IL18RAP: variants seen among roughly 807,000 people sequenced by gnomAD.
The protein encoded by IL18RAP is interleukin 18 receptor accessory protein.
Under a neutral mutation model 58.1 loss-of-function variants are expected in IL18RAP, and 37 were observed. The observed-to-expected ratio is 0.64, with a 90% CI of 0.49 to 0.84. The LOEUF (loss-of-function observed/expected upper bound fraction) is 0.84, where lower values mean the gene tolerates loss of function less well. Ranked by LOEUF, IL18RAP falls within the 40% of genes least tolerant of loss-of-function variation. The pLI, the probability that IL18RAP is intolerant of heterozygous loss-of-function variation, is 0.00. For missense variants in IL18RAP, 667 were observed against 704.8 expected (o/e 0.95, Z 0.61); for synonymous variants, 268 against 257.5 (o/e 1.04, Z -0.39).
intron 7 of IL18RAP, 151 bp from the exon 8 acceptor site, chr2:102,446,919 C>A: frequency 1.2e-6 from 1 of 831,816 alleles, no homozygotes; most frequent in Non-Finnish European, 1.9e-6. Context: ...GAGAGGTTTC[C>A]AGATTCACAA....
At chr2:102,447,722 G>GTATT (rs1201213208) in intron 8 of IL18RAP, among the ~76,000 whole-genome samples, 13 of 146,354 alleles carry the variant, frequency 8.9e-5, no homozygotes, top group African/African-American at 3.4e-4. Flanking sequence ...ATGTATGTAT[G>GTATT]TATGTATTTA....
At chr2:102,443,590 T>A (rs914326481) in intron 6 of IL18RAP, among the ~76,000 whole-genome samples, 3 of 152,148 alleles carry the variant, frequency 2.0e-5, no homozygotes, top group African/African-American at 7.2e-5. Context: ...TGCTTGGAGA[T>A]AAGTAATATG....
Position 102,450,945 on chromosome 2 carries a change from C to A in IL18RAP, c.1308C>A (p.Ser436Arg). The change falls in exon 9 of 10, where the codon AGC becomes AGA. Residue 436 changes from serine (S) to arginine (R), a missense_variant. Physicochemically the swap from Ser to Arg is moderately radical, Grantham distance 110. Coordinates refer to ENST00000687160, the MANE Select transcript of IL18RAP (RefSeq NM_001393487.1). ...SSLSEEHLAL[S>R]LFPDVLENKY... Reference sequence around the variant, plus strand: ...TGAGTGAAGAACACTTGGCCCTGAGCCTATTTCCTGATGTTTTAGAAAACA... The same window carrying A: ...TGAGTGAAGAACACTTGGCCCTGAGACTATTTCCTGATGTTTTAGAAAACA... The A allele has an allele frequency of 6.2e-7, 1 of 1,612,008 alleles. No homozygotes were observed. Among genetic ancestry groups the A allele is most frequent in the East Asian group, 2.2e-5 (1 of 44,842 alleles).
rs760862453 is a variant in IL18RAP, at chr2:102,447,141, T to C, written c.1144T>C (p.Tyr382His). ...VAVLAASALLYRHWIEIVLLY... is the reference protein window; with the variant it reads ...VAVLAASALLHRHWIEIVLLY... Reference sequence around the variant, plus strand: ...CGTGCTGGCGGCGAGTGCCCTCCTCTACAGGCACTGGATTGAAATAGTGCT... The same window carrying C: ...CGTGCTGGCGGCGAGTGCCCTCCTCCACAGGCACTGGATTGAAATAGTGCT... The change falls in exon 8 of 10, where the codon TAC (tyrosine) becomes CAC (histidine). Residue 382 changes from tyrosine to histidine, a missense_variant. Tyr to His is a moderately conservative substitution (Grantham distance 83, BLOSUM62 2). Coordinates refer to ENST00000687160, the MANE Select transcript of IL18RAP (RefSeq NM_001393487.1). 1 of 1,614,006 alleles carries C rather than the reference T, an allele frequency of 6.2e-7. No homozygotes were observed. The highest frequency in any genetic ancestry group is 1.3e-5 in the African/African-American group (1 of 74,918).
chr2:102,448,801 A>C (rs1051395542), intron 8 of IL18RAP, among the ~76,000 whole-genome samples: 5 of 151,726 alleles, frequency 3.3e-5, no homozygotes, highest in African/African-American at 9.7e-5. Flanking sequence ...TCTACAAGAA[A>C]TTTTTTAATG....
chr2:102,418,929 CAGGAAA>C (rs1359964515), upstream of IL18RAP: 8 of 152,012 alleles, frequency 5.3e-5, no homozygotes, highest in African/African-American at 1.9e-4. Flanking sequence ...GTCTTAAGAG[CAGGAAA>C]TAAAGGTAAG....
chr2:102,430,560 G>C (rs897017688), intron 3 of IL18RAP, among the ~76,000 whole-genome samples: 2 of 152,020 alleles, frequency 1.3e-5, no homozygotes, highest in South Asian at 4.1e-4. Flanking sequence ...GTGATTATTG[G>C]TAGATAAGCA....
intron 3 of IL18RAP, 39 bp from the exon 4 acceptor site, chr2:102,437,173 T>C (rs1682801887): frequency 6.3e-7 from 1 of 1,575,672 alleles, no homozygotes; most frequent in South Asian, 1.2e-5. Context: ...AAAGTTTTTC[T>C]GTGGCAAATT....
chr2:102,429,452 GTTCTC>G (rs1355827648), intron 3 of IL18RAP, among the ~76,000 whole-genome samples: 1 of 151,694 alleles, frequency 6.6e-6, no homozygotes, highest in East Asian at 1.9e-4. Flanking sequence ...CTATTTGAGT[GTTCTC>G]TTTTTTCTTA....
intron 3 of IL18RAP, 84 bp downstream of exon 3, chr2:102,424,498 T>C: frequency 8.0e-7 from 1 of 1,243,428 alleles, no homozygotes. Context: ...AAAGCGTGTT[T>C]GAGAATCTGA....
intron 8 of IL18RAP, among the ~76,000 whole-genome samples, chr2:102,448,114 G>T (rs1420954169): frequency 1.3e-5 from 2 of 152,224 alleles, no homozygotes; most frequent in African/African-American, 4.8e-5. Context: ...TTGAGGACTA[G>T]AGTGTATGCC....
intron 6 of IL18RAP, among the ~76,000 whole-genome samples, chr2:102,444,387 C>T (rs752609136): frequency 5.9e-5 from 9 of 152,116 alleles, no homozygotes; most frequent in South Asian, 2.1e-4. Flanking sequence ...CCCTTAGCCC[C>T]GGTGAGCCTC....
At chr2:102,422,490 A>T (rs1341345084), upstream of IL18RAP, among the ~76,000 whole-genome samples, 2 of 152,072 alleles carry the variant, frequency 1.3e-5, no homozygotes, top group Admixed American at 6.5e-5. Flanking sequence ...TCTGAGCCAT[A>T]TGCCTCCCCA....
chr2:102,432,958 C>A (rs562945555), intron 3 of IL18RAP, among the ~76,000 whole-genome samples: 1 of 152,018 alleles, frequency 6.6e-6, no homozygotes, highest in African/African-American at 2.4e-5. Context: ...TGTAATGTAA[C>A]GGCATTTTAT....
chr2:102,425,344 G>A (rs1285296914), intron 3 of IL18RAP, among the ~76,000 whole-genome samples: 1 of 152,142 alleles, frequency 6.6e-6, no homozygotes, highest in Non-Finnish European at 1.5e-5. Context: ...GTCTCCTGGG[G>A]ATACAGTTAC....
At chr2:102,433,744 C>T (rs1161368078) in intron 3 of IL18RAP, among the ~76,000 whole-genome samples, 1 of 151,930 alleles carries the variant, frequency 6.6e-6, no homozygotes, top group Non-Finnish European at 1.5e-5. Flanking sequence ...TGGGGTTTCA[C>T]CATGTTGGCC....
chr2:102,428,285 A>C (rs1252418254), intron 3 of IL18RAP, among the ~76,000 whole-genome samples: 2 of 126,782 alleles, frequency 1.6e-5, no homozygotes, highest in African/African-American at 5.9e-5. Flanking sequence ...GATCACTTTG[A>C]GTAGTAAGGA....
At chr2:102,418,990 C>T (rs1244022603), upstream of IL18RAP, 3 of 151,780 alleles carry the variant, frequency 2.0e-5, no homozygotes, top group East Asian at 1.9e-4. Flanking sequence ...AACCAGAAAA[C>T]ATAAGTTGGG....
At chr2:102,427,615 T>G (rs1168812002) in intron 3 of IL18RAP, among the ~76,000 whole-genome samples, 1 of 152,132 alleles carries the variant, frequency 6.6e-6, no homozygotes, top group East Asian at 1.9e-4. Context: ...ATTCTTCACA[T>G]TAACTCCTTA....
Sources: allele counts gnomAD v4.1 joint callset (sites outside exome capture counted in the v4.1 genomes callset), GRCh38; gene constraint gnomAD v4.1.1; transcripts MANE v1.5; gene names NCBI Gene and HGNC (gene_info 2026-07-23, HGNC 2026-07-21).